The following DLGAP2 variants were observed in gnomAD, a reference collection of about 807,000 sequenced individuals.
The protein encoded by DLGAP2 is disks large-associated protein 2.
Under a neutral mutation model 100.3 loss-of-function variants are expected in DLGAP2, and 26 were observed. That is an observed-to-expected ratio of 0.26 (90% confidence interval 0.19 to 0.36). The LOEUF (loss-of-function observed/expected upper bound fraction) is 0.36. DLGAP2 is among the 10% of genes least tolerant of loss of function. The pLI is 1.00. For synonymous variants in DLGAP2, 886 were observed against 630.1 expected, an observed-to-expected ratio of 1.41 and a Z score of -6.08; for missense variants, 1,858 against 1,453.2, an observed-to-expected ratio of 1.28 and a Z score of -4.53.
In DLGAP2 at chr8:879,111, A is replaced by T. The variant is rs373699522; in HGVS notation, c.19-28801A>T. Reference sequence around the variant, plus strand: ...TTCTTTATTTTTATTTTTTACATTGACAAATGCCATCTAAAATCTTACCTA... The same window carrying T: ...TTCTTTATTTTTATTTTTTACATTGTCAAATGCCATCTAAAATCTTACCTA... On this transcript the variant is annotated intron_variant, in intron 1 of 14. Transcript: ENST00000637795. Among the ~76,000 whole-genome samples, 3 of 152,290 alleles carry T rather than the reference A, an allele frequency of 2.0e-5. No homozygotes were observed. In the East Asian group the frequency reaches 5.8e-4, roughly 29 times the overall value.
chr8:1,645,271 C>A (rs1168564606), intron 8 of DLGAP2, among the ~76,000 whole-genome samples: 1 of 152,192 alleles, frequency 6.6e-6, no homozygotes. Flanking sequence ...ACTCTGAGTG[C>A]CCACACAACC....
In DLGAP2 at chr8:1,549,401, C is replaced by T. The variant is rs371238675; in HGVS notation, c.948C>T (p.Asn316=). Residue 316 remains asparagine (N), a synonymous_variant, in exon 5 of 15, where the codon AAC becomes AAT. Coordinates refer to ENST00000637795, the MANE Select transcript of DLGAP2 (RefSeq NM_001346810.2). ...CCTATCGGACGCCCAGCGTGCTCAA[C>T]CGGCACCACCTGGGCCCCGTGGCCC... ...DSTYRTPSVL[N]RHHLGPVAHC... 5.3e-4 allele frequency: 863 copies of T among 1,613,464 alleles called. No homozygotes were observed. Among genetic ancestry groups the T allele is most frequent in the Non-Finnish European group, 6.9e-4 (816 of 1,179,794 alleles).
intron 3 of DLGAP2, among the ~76,000 whole-genome samples, chr8:1,363,321 C>T (rs562833565): frequency 1.1e-4 from 16 of 152,254 alleles, no homozygotes; most frequent in African/African-American, 3.4e-4. Flanking sequence ...GTCCCACGCC[C>T]GTGGCATGCT....
chr8:1,044,635 C>A (rs1307763174), intron 2 of DLGAP2, among the ~76,000 whole-genome samples: 4 of 152,222 alleles, frequency 2.6e-5, no homozygotes, highest in Admixed American at 1.3e-4. Context: ...GTCTCCTCTC[C>A]CATCCTTTCT....
intron 2 of DLGAP2, among the ~76,000 whole-genome samples, chr8:1,115,848 A>G (rs563299088): frequency 4.6e-5 from 7 of 152,286 alleles, no homozygotes; most frequent in Admixed American, 1.3e-4. Context: ...CTAGTCAGTC[A>G]TTTATCCCTG....
intron 1 of DLGAP2, among the ~76,000 whole-genome samples, chr8:768,273 T>C (rs140758354): frequency 6.6e-6 from 1 of 152,276 alleles, no homozygotes; most frequent in East Asian, 1.9e-4. Flanking sequence ...ATCTCCTCCT[T>C]ATTCCTGAAC....
intron 2 of DLGAP2, among the ~76,000 whole-genome samples, chr8:1,032,422 G>A (rs553435969): frequency 2.0e-5 from 3 of 152,326 alleles, no homozygotes; most frequent in South Asian, 2.1e-4. Context: ...GCCAGCGCAC[G>A]ATGGAGAAAC....
chr8:1,287,779 GTC>G (rs1215458148), intron 3 of DLGAP2, among the ~76,000 whole-genome samples: 43,906 of 62,744 alleles, frequency 0.7, 17,452 homozygotes, highest in African/African-American at 0.73. Context: ...GTGTGTGTGT[GTC>G]TGTGTGTATG....
At chr8:1,507,418 C>A (rs933165878) in intron 4 of DLGAP2, among the ~76,000 whole-genome samples, 6 of 152,180 alleles carry the variant, frequency 3.9e-5, no homozygotes, top group African/African-American at 7.2e-5. Context: ...CTTCACTGCC[C>A]CGCTGGCGCT....
At chr8:942,088 C>G (rs888694550) in intron 2 of DLGAP2, among the ~76,000 whole-genome samples, 1 of 152,140 alleles carries the variant, frequency 6.6e-6, no homozygotes, top group African/African-American at 2.4e-5. Flanking sequence ...CCTCGAGTCA[C>G]TGGGACCACA....
rs1796987956 is a variant in DLGAP2, at chr8:841,769, C to G, written c.19-66143C>G. On this transcript the variant is annotated intron_variant, in intron 1 of 14. Transcript: ENST00000637795. ...CAGCAGGTGAGTTTTTGAAGACTAA[C>G]CGTCACATGAATTAATACTGATACT... is the stretch of plus-strand genomic sequence containing the variant. Among the ~76,000 whole-genome samples, 5 of 152,098 alleles carry G rather than the reference C, an allele frequency of 3.3e-5. No homozygotes were observed. The South Asian group carries it at 1.0e-3, about 32-fold the overall frequency.
chr8:882,863 C>A (rs1199034016), intron 1 of DLGAP2, among the ~76,000 whole-genome samples: 4 of 152,270 alleles, frequency 2.6e-5, no homozygotes, highest in African/African-American at 9.6e-5. Context: ...GTGGTGTCGT[C>A]ACTTCTCGGC....
At chr8:1,501,232 T>C in intron 3 of DLGAP2, 134 bp from the exon 4 acceptor site, 1 of 918,188 alleles carries the variant, frequency 1.1e-6, no homozygotes, top group Non-Finnish European at 1.6e-6. Context: ...CTCTGAGCGG[T>C]GACGTTTGAA....
At chr8:1,166,720 C>T (rs1320760452) in intron 2 of DLGAP2, among the ~76,000 whole-genome samples, 1 of 152,112 alleles carries the variant, frequency 6.6e-6, no homozygotes, top group Non-Finnish European at 1.5e-5. Context: ...TATCAAAAAA[C>T]ATCACAGTTT....
At chr8:1,298,220 C>G (rs1215575996) in intron 3 of DLGAP2, among the ~76,000 whole-genome samples, 5 of 152,128 alleles carry the variant, frequency 3.3e-5, no homozygotes, top group African/African-American at 9.7e-5. Context: ...AGGGAGGATT[C>G]AGGATGTGAT....
chr8:1,268,303 C>G (rs1233568787), intron 3 of DLGAP2, among the ~76,000 whole-genome samples: 2 of 152,074 alleles, frequency 1.3e-5, no homozygotes, highest in African/African-American at 2.4e-5. Flanking sequence ...TTTCTTGTTG[C>G]TAAACATGCC....
rs1274153317 is a variant in DLGAP2 at position 1,678,219 on chromosome 8, G to C, written c.2294G>C (p.Gly765Ala). The change falls in exon 12 of 15, where the codon GGA becomes GCA. Residue 765 changes from glycine to alanine, a missense_variant. Gly to Ala is a moderately conservative substitution (Grantham distance 60). Coordinates refer to ENST00000637795, the MANE Select transcript of DLGAP2 (RefSeq NM_001346810.2). ...TTCCTTCCCTCCTTTTGCAGACACG[G>C]ACGTTTTAAACGTTCTAACAGCGTC... ...GVQVEDEKRH[G>A]RFKRSNSVTA... The C allele has an allele frequency of 1.2e-6, 2 of 1,608,124 alleles. No individual in the cohort carries two copies. The highest frequency in any genetic ancestry group is 2.7e-5 in the African/African-American group (2 of 74,816).
chr8:1,074,356 C>T (rs1049708120), intron 2 of DLGAP2, among the ~76,000 whole-genome samples: 1 of 152,208 alleles, frequency 6.6e-6, no homozygotes, highest in East Asian at 1.9e-4. Flanking sequence ...GGTACATATT[C>T]AGGATTCACT....
chr8:1,412,811 C>A (rs74344477), intron 3 of DLGAP2, among the ~76,000 whole-genome samples: 32 of 152,340 alleles, frequency 2.1e-4, no homozygotes, highest in African/African-American at 7.7e-4. Flanking sequence ...CACAGCCCTC[C>A]CCAGCAGATG....
Sources: gnomAD v4.1 joint callset for allele counts (sites outside exome capture counted in the v4.1 genomes callset) on GRCh38, gnomAD v4.1.1 for gene constraint, MANE v1.5 for transcripts, NCBI Gene and HGNC (gene_info 2026-07-23, HGNC 2026-07-21) for gene names.